The following BTBD9 variants were observed in gnomAD, a reference collection of about 807,000 sequenced individuals.
BTBD9 encodes BTB/POZ domain-containing protein 9.
Under a neutral mutation model 64.3 loss-of-function variants are expected in BTBD9, and 49 were observed. That is an observed-to-expected ratio of 0.76 (90% CI 0.61 to 0.97). The LOEUF (loss-of-function observed/expected upper bound fraction) is 0.97, where lower values mean the gene tolerates loss of function less well. BTBD9 is among the 50% of genes least tolerant of loss of function. The pLI, the probability that BTBD9 is intolerant of heterozygous loss-of-function variation, is 0.00. For missense variants in BTBD9, 598 were observed against 762.1 expected, an observed-to-expected ratio of 0.78 and a Z score of 2.53; for synonymous variants, 260 against 274.7, an observed-to-expected ratio of 0.95 and a Z score of 0.53.
intron 6 of BTBD9, among the ~76,000 whole-genome samples, chr6:38,564,249 T>C (rs1313352741): frequency 6.6e-6 from 1 of 152,222 alleles, no homozygotes; most frequent in Non-Finnish European, 1.5e-5. Flanking sequence ...GTCATTACTG[T>C]GTTTAATATC....
At position 38,513,867 on chromosome 6, in the gene BTBD9, A is replaced by T. The variant is rs567342993; in HGVS notation, c.1154+63733T>A. On this transcript the variant is annotated intron_variant, in intron 6 of 10. Coordinates refer to ENST00000481247, the MANE Select transcript of BTBD9 (RefSeq NM_001099272.2). ...TTTTGTAGCCTTACTAACATATTCC[A>T]GGTTCAAAAATGCAGGATATGAGTC... is the stretch of plus-strand genomic sequence containing the variant. Among the ~76,000 whole-genome samples the T allele has an allele frequency of 2.6e-5, 4 of 152,320 alleles. No individual in the cohort carries two copies. In the South Asian group the frequency reaches 6.2e-4, roughly 24 times the overall value.
At chr6:38,363,966 G>A (rs118041810) in intron 6 of BTBD9, among the ~76,000 whole-genome samples, 1 of 152,214 alleles carries the variant, frequency 6.6e-6, no homozygotes, top group Non-Finnish European at 1.5e-5. Context: ...GTCTGCTGCA[G>A]TATGGCTGTC....
At chr6:38,301,759 TA>T (rs1762412207) in intron 7 of BTBD9, among the ~76,000 whole-genome samples, 1 of 152,216 alleles carries the variant, frequency 6.6e-6, no homozygotes, top group African/African-American at 2.4e-5. Context: ...TTTTCTTCTA[TA>T]TTAGTCTTGC....
intron 7 of BTBD9, among the ~76,000 whole-genome samples, chr6:38,299,970 C>A (rs531723009): frequency 6.6e-6 from 1 of 152,156 alleles, no homozygotes; most frequent in African/African-American, 2.4e-5. Flanking sequence ...AGGTTTTCTT[C>A]TAGGGTTTTT....
At chr6:38,395,507 A>T (rs144296235) in intron 6 of BTBD9, among the ~76,000 whole-genome samples, 1 of 152,336 alleles carries the variant, frequency 6.6e-6, no homozygotes, top group African/African-American at 2.4e-5. Context: ...GGCCCTCACC[A>T]GATGCCAAAA....
At chr6:38,538,957 TGCA>T (rs1774147613) in intron 6 of BTBD9, among the ~76,000 whole-genome samples, 1 of 152,038 alleles carries the variant, frequency 6.6e-6, no homozygotes, top group Non-Finnish European at 1.5e-5. Context: ...CTAATTTTGA[TGCA>T]GGGGACAGGA....
Position 38,196,905 on chromosome 6 carries a change from G to C in BTBD9, c.1563-4308C>G, listed in dbSNP as rs1371485699. On this transcript the variant is annotated intron_variant, in intron 9 of 10. Transcript: ENST00000481247. ...ACCCATAATGAAGCTAAAATACTAT[G>C]TATATGTGAAAGAGGCAAAAAAGAG... Among the ~76,000 whole-genome samples, 4 of 152,314 alleles carry C rather than the reference G, an allele frequency of 2.6e-5. No individual in the cohort carries two copies. In the East Asian group the frequency reaches 7.7e-4, roughly 29 times the overall value.
chr6:38,418,718 A>G (rs908141367), intron 6 of BTBD9, among the ~76,000 whole-genome samples: 6 of 152,256 alleles, frequency 3.9e-5, no homozygotes, highest in African/African-American at 1.2e-4. Flanking sequence ...TACTATATGT[A>G]TAACTGTATT....
chr6:38,542,172 C>G (rs1456022497), intron 6 of BTBD9, among the ~76,000 whole-genome samples: 3 of 152,156 alleles, frequency 2.0e-5, no homozygotes. Context: ...CTTGTATATA[C>G]ACAAGACCTG....
intron 9 of BTBD9, among the ~76,000 whole-genome samples, chr6:38,237,574 G>A (rs185012850): frequency 6.6e-6 from 1 of 152,148 alleles, no homozygotes; most frequent in African/African-American, 2.4e-5. Context: ...AACAGTTTCT[G>A]GTCTTGCTTA....
intron 6 of BTBD9, among the ~76,000 whole-genome samples, chr6:38,377,057 A>G (rs2127611176): frequency 6.6e-6 from 1 of 152,286 alleles, no homozygotes; most frequent in Non-Finnish European, 1.5e-5. Context: ...GGTCTCCAGT[A>G]TTTCATCAGG....
chr6:38,393,979 T>C (rs1766550096), intron 6 of BTBD9, among the ~76,000 whole-genome samples: 1 of 152,192 alleles, frequency 6.6e-6, no homozygotes, highest in Non-Finnish European at 1.5e-5. Context: ...CACAGTTCTC[T>C]AGGAGTTCAG....
At chr6:38,465,156 A>G (rs1562223322) in intron 6 of BTBD9, among the ~76,000 whole-genome samples, 1 of 151,824 alleles carries the variant, frequency 6.6e-6, no homozygotes, top group Non-Finnish European at 1.5e-5. Flanking sequence ...TTAGCTGGGT[A>G]TGGTGGTGTG....
chr6:38,304,885 T>C (rs189778622), intron 7 of BTBD9, among the ~76,000 whole-genome samples: 140 of 152,306 alleles, frequency 9.2e-4, no homozygotes, highest in Non-Finnish European at 1.3e-3. Context: ...GCAATCATTC[T>C]AGCACTGTCC....
At chr6:38,467,522 T>A (rs983132198) in intron 6 of BTBD9, among the ~76,000 whole-genome samples, 3 of 152,222 alleles carry the variant, frequency 2.0e-5, no homozygotes, top group Non-Finnish European at 2.9e-5. Context: ...GTTAGAGTTA[T>A]AAGAAACTGC....
chr6:38,227,894 T>A (rs943576690), intron 9 of BTBD9, among the ~76,000 whole-genome samples: 13 of 152,166 alleles, frequency 8.5e-5, no homozygotes, highest in African/African-American at 3.1e-4. Flanking sequence ...CTAACTTACA[T>A]GACATTCTGG....
intron 8 of BTBD9, among the ~76,000 whole-genome samples, chr6:38,277,488 C>T (rs961943948): frequency 6.6e-6 from 1 of 152,042 alleles, no homozygotes; most frequent in African/African-American, 2.4e-5. Flanking sequence ...CGCCCACCAC[C>T]ACGCCTGGCT....
At chr6:38,342,352 A>G (rs1057229598) in intron 7 of BTBD9, among the ~76,000 whole-genome samples, 35 of 151,994 alleles carry the variant, frequency 2.3e-4, no homozygotes, top group African/African-American at 8.2e-4. Flanking sequence ...CCTGACCAAC[A>G]TGGCGAAACC....
intron 8 of BTBD9, among the ~76,000 whole-genome samples, chr6:38,279,052 A>G (rs922777564): frequency 1.3e-5 from 2 of 152,182 alleles, no homozygotes; most frequent in African/African-American, 4.8e-5. Flanking sequence ...AGTGTCCAGG[A>G]AAGTTGCTGA....
Sources: gnomAD v4.1 joint callset for allele counts (sites outside exome capture counted in the v4.1 genomes callset) on GRCh38, gnomAD v4.1.1 for gene constraint, MANE v1.5 for transcripts, NCBI Gene and HGNC (gene_info 2026-07-23, HGNC 2026-07-21) for gene names.